Variants in IP6K2 observed in about 807,000 individuals in gnomAD.
The protein encoded by IP6K2 is ATP:1D-myo-inositol-hexakisphosphate phosphotransferase.
IP6K2 carries 9 observed loss-of-function variants against 43.3 expected under a neutral mutation model. That is an observed-to-expected ratio of 0.21 (90% CI 0.13 to 0.36). The LOEUF is 0.36. Among genes scored for constraint, IP6K2 ranks in the 10% least tolerant of loss-of-function variants. The probability of loss-of-function intolerance (pLI) is 1.00; values close to 1 mark genes in which losing one functional copy is unlikely to be tolerated. For synonymous variants in IP6K2, 209 were observed against 202.4 expected (o/e 1.03, Z -0.28); for missense variants, 332 against 538.4 (o/e 0.62, Z 3.79).
rs1018336298 is a variant in IP6K2 at position 48,707,435 on chromosome 3, GTTTTA to G, written c.-131+9717_-131+9721del. ...GAGCCCTCAATAGCATCTCATTCTG[GTTTTA>G]TTTTATCTTTTGAGATGGAGTTTCG... On this transcript the variant is annotated intron_variant, in intron 1 of 5. Coordinates refer to ENST00000328631, the MANE Select transcript of IP6K2 (RefSeq NM_016291.4). 9.2e-5 allele frequency among the ~76,000 whole-genome samples: 14 copies of G among 152,120 alleles called. No homozygotes were observed. The East Asian group carries it at 1.7e-3, about 19-fold the overall frequency.
At chr3:48,715,253 T>G in intron 1 of IP6K2, 1 of 1,527,838 alleles carries the variant, frequency 6.5e-7, no homozygotes, top group Non-Finnish European at 8.8e-7. Context: ...ATAACTTCAC[T>G]TAAAGGGAAA....
chr3:48,716,580 A>C (rs908520939), intron 1 of IP6K2: 4 of 152,248 alleles, frequency 2.6e-5, no homozygotes, highest in African/African-American at 9.6e-5. Context: ...ATCCATTTAA[A>C]GGCATTTTTT....
chr3:48,708,520 ACTGGCCAAATTTTCTTACAAATAG>A (rs1390131606), intron 1 of IP6K2, among the ~76,000 whole-genome samples: 1 of 151,964 alleles, frequency 6.6e-6, no homozygotes, highest in East Asian at 1.9e-4. Context: ...GCATGAGTCA[ACTGGCCAAATTTTCTTACAAATAG>A]CTGAATGTAT....
chr3:48,696,128 C>T (rs771329703), intron 1 of IP6K2, among the ~76,000 whole-genome samples: 4 of 151,872 alleles, frequency 2.6e-5, no homozygotes, highest in Non-Finnish European at 5.9e-5. Context: ...TCATGATCTG[C>T]CCATTCGGTC....
chr3:48,697,488 ATTTTTTTTTT>A (rs35746542), intron 1 of IP6K2, among the ~76,000 whole-genome samples: 695 of 64,354 alleles, frequency 0.011, 11 homozygotes, highest in African/African-American at 0.043. Flanking sequence ...ATGCCTGGCT[ATTTTTTTTTT>A]TTTTTTTTTT....
chr3:48,690,017 G>A (rs1275559879), intron 4 of IP6K2, among the ~76,000 whole-genome samples: 1 of 152,196 alleles, frequency 6.6e-6, no homozygotes, highest in Non-Finnish European at 1.5e-5. Flanking sequence ...TAGGACTAGG[G>A]TCCAAAAACA....
In IP6K2 at chr3:48,695,858, A is replaced by T. The variant is rs1041937799; in HGVS notation, c.-130-437T>A. On this transcript the variant is annotated intron_variant, in intron 1 of 5. Transcript: ENST00000328631. This position sits in a 1 kb window ranked among gnomAD's most constrained non-coding sequence, Gnocchi z 4.6. ...ATATATAATATATATTATATATATA[A>T]AATAAATATATATATATAATTTTTT... Among the ~76,000 whole-genome samples, 13 of 147,182 alleles carry T rather than the reference A, an allele frequency of 8.8e-5. No homozygotes were observed. The highest frequency in any genetic ancestry group is 2.7e-4 in the African/African-American group (11 of 40,434).
intron 1 of IP6K2, among the ~76,000 whole-genome samples, chr3:48,705,042 C>T (rs1056204548): frequency 4.0e-5 from 6 of 151,636 alleles, no homozygotes; most frequent in Admixed American, 2.6e-4. Context: ...CCCAGGTTCA[C>T]GCCATTCTCC....
intron 1 of IP6K2, among the ~76,000 whole-genome samples, chr3:48,698,269 G>A (rs760686411): frequency 4.6e-5 from 7 of 152,148 alleles, no homozygotes; most frequent in African/African-American, 9.7e-5. Flanking sequence ...TTCATGGTCC[G>A]CCGACCAGTA....
At chr3:48,693,879 A>C (rs1479365994) in intron 2 of IP6K2, 2 of 1,208,430 alleles carry the variant, frequency 1.7e-6, no homozygotes, top group Non-Finnish European at 2.1e-6. Flanking sequence ...GGTGGCCTTG[A>C]AAGCAGCTTT....
chr3:48,705,918 AC>A (rs2079702362), intron 1 of IP6K2, among the ~76,000 whole-genome samples: 1 of 150,268 alleles, frequency 6.7e-6, no homozygotes, highest in Admixed American at 6.6e-5. Context: ...ATAAAAAAAA[AC>A]AGAAGGACAG....
At chr3:48,694,752 G>T in intron 2 of IP6K2, 1 of 1,523,716 alleles carries the variant, frequency 6.6e-7, no homozygotes, top group Non-Finnish European at 8.7e-7. Context: ...AGTATTCTGG[G>T]TAAAATCCTC....
intron 2 of IP6K2, chr3:48,693,571 T>G (rs757040341): frequency 3.5e-5 from 42 of 1,188,140 alleles, no homozygotes; most frequent in Non-Finnish European, 4.3e-5. Flanking sequence ...TCCAACAGCC[T>G]CATGGCTTGC....
At position 48,692,985 on chromosome 3, in the gene IP6K2, G is replaced by A. The variant is rs575264529; in HGVS notation, c.397C>T (p.Arg133Cys). 5 of 1,613,888 alleles carry A rather than the reference G, an allele frequency of 3.1e-6. No individual in the cohort carries two copies. Among genetic ancestry groups the A allele is most frequent in the East Asian group, 4.5e-5 (2 of 44,894 alleles). ...ATTTTCTCCTCTTTACGGTGCTGAC[G>A]CACCCAGTCCTTAGGGGTCTTTTCT... is the stretch of plus-strand genomic sequence containing the variant. ...ETEKTPKDWV[R>C]QHRKEEKMKS... The change falls in exon 3 of 6, where the codon CGT (arginine) becomes TGT (cysteine). Residue 133 changes from arginine (R) to cysteine (C), a missense_variant. By Grantham distance (180) the Arg-to-Cys change is radical (BLOSUM62 -3). Transcript: ENST00000328631.
chr3:48,711,045 A>G (rs920399873), intron 1 of IP6K2, among the ~76,000 whole-genome samples: 8 of 152,074 alleles, frequency 5.3e-5, no homozygotes, highest in African/African-American at 1.9e-4. Context: ...AGTAGCTGGG[A>G]CTACAGGCAC....
chr3:48,703,136 C>A (rs1414086647), intron 1 of IP6K2, among the ~76,000 whole-genome samples: 1 of 152,200 alleles, frequency 6.6e-6, no homozygotes, highest in Non-Finnish European at 1.5e-5. Context: ...CCTGAACATT[C>A]ATCTGAGACC....
intron 1 of IP6K2, chr3:48,699,798 G>A (rs192516501): frequency 3.9e-5 from 6 of 152,290 alleles, no homozygotes; most frequent in African/African-American, 1.4e-4. Flanking sequence ...TCTGTAAAAT[G>A]GGAAAAGAGA....
intron 2 of IP6K2, chr3:48,693,613 C>G: frequency 8.7e-7 from 1 of 1,150,734 alleles, no homozygotes; most frequent in Non-Finnish European, 1.1e-6. Context: ...AGGGGGAACA[C>G]AGGTTTGCCT....
intron 1 of IP6K2, among the ~76,000 whole-genome samples, chr3:48,696,309 C>T (rs538211688): frequency 1.3e-5 from 2 of 152,072 alleles, no homozygotes; most frequent in African/African-American, 4.8e-5. Flanking sequence ...AGGCCAAAGA[C>T]GAGCCCCATT....
Sources: allele counts gnomAD v4.1 joint callset (sites outside exome capture counted in the v4.1 genomes callset), GRCh38; gene constraint gnomAD v4.1.1; non-coding constraint Gnocchi (gnomAD v3.1); transcripts MANE v1.5; gene names NCBI Gene and HGNC (gene_info 2026-07-23, HGNC 2026-07-21).